The following NAV2 variants were observed in gnomAD, a reference collection of about 807,000 sequenced individuals.
NAV2 encodes the protein helicase, APC down-regulated 1.
Under a neutral mutation model 223.2 loss-of-function variants are expected in NAV2, and 54 were observed. The observed-to-expected ratio is 0.24, with a 90% CI of 0.19 to 0.30. NAV2 has a LOEUF of 0.30. Ranked by LOEUF, NAV2 falls within the 10% of genes least tolerant of loss-of-function variation. The probability of loss-of-function intolerance (pLI) is 1.00; values close to 1 mark genes in which losing one functional copy is unlikely to be tolerated. For synonymous variants in NAV2, 1,279 were observed against 1,239.3 expected (o/e 1.03, Z -0.67); for missense variants, 2,806 against 3,147.5 (o/e 0.89, Z 2.60).
At chr11:19,949,898 C>G (rs550406158) in intron 10 of NAV2, among the ~76,000 whole-genome samples, 1 of 152,268 alleles carries the variant, frequency 6.6e-6, no homozygotes, top group African/African-American at 2.4e-5. Context: ...ACAAATCCAG[C>G]CTCCCTGTTT....
At chr11:19,506,848 G>T (rs1381334070) in intron 1 of NAV2, 2 of 152,152 alleles carry the variant, frequency 1.3e-5, no homozygotes, top group Non-Finnish European at 2.9e-5. Flanking sequence ...GGGGCTCACT[G>T]ATAAATGGAC....
chr11:19,440,759 T>C (rs1408370160), intron 1 of NAV2, among the ~76,000 whole-genome samples: 1 of 152,210 alleles, frequency 6.6e-6, no homozygotes, highest in African/African-American at 2.4e-5. Context: ...CAGTGAACTC[T>C]AGGTGATTGA....
At chr11:19,704,691 A>T (rs2049604642) in intron 1 of NAV2, among the ~76,000 whole-genome samples, 1 of 152,190 alleles carries the variant, frequency 6.6e-6, no homozygotes, top group Non-Finnish European at 1.5e-5. Context: ...TATTGGGTCA[A>T]CTATGGTTGC....
At chr11:19,454,838 G>C (rs117956361) in intron 1 of NAV2, among the ~76,000 whole-genome samples, 1 of 152,168 alleles carries the variant, frequency 6.6e-6, no homozygotes, top group Non-Finnish European at 1.5e-5. Flanking sequence ...CAGAAAGAGA[G>C]AACAGCATGT....
intron 1 of NAV2, among the ~76,000 whole-genome samples, chr11:19,798,676 C>T (rs1200345349): frequency 6.6e-6 from 1 of 152,156 alleles, no homozygotes; most frequent in African/African-American, 2.4e-5. Flanking sequence ...AATACTGTGT[C>T]AGATGCTTTA....
At position 20,096,840 on chromosome 11, in the gene NAV2, C is replaced by G. The variant is rs1009933975; in HGVS notation, c.6013-737C>G. Among the ~76,000 whole-genome samples the G allele has an allele frequency of 2.0e-5, 3 of 152,168 alleles. No individual in the cohort carries two copies. The South Asian group carries it at 6.2e-4, about 31-fold the overall frequency. ...TGAATGGCTTAGATGGACCGATTCT[C>G]CGACCTAGGCCAAAAACTTATCTCT... On this transcript the variant is annotated intron_variant, in intron 30 of 37. Coordinates refer to ENST00000349880, the MANE Select transcript of NAV2 (RefSeq NM_145117.5).
intron 6 of NAV2, 77 bp downstream of exon 6, chr11:19,892,671 G>A: frequency 1.3e-6 from 2 of 1,498,904 alleles, no homozygotes; most frequent in Non-Finnish European, 1.8e-6. Flanking sequence ...GGTGAATTGG[G>A]TTGGGTCATG....
In NAV2 at chr11:19,455,854, C is replaced by A. The variant is rs1050159090; in HGVS notation, c.75+104827C>A. On this transcript the variant is annotated intron_variant, in intron 1 of 37. Coordinates refer to the NAV2 transcript ENST00000360655. ...CAGAAATTGCTCTTGAGCAACGCACCAGAACCTACTGCATCAAAAGGCTGT... is the reference window on the plus strand; with the variant it reads ...CAGAAATTGCTCTTGAGCAACGCACAAGAACCTACTGCATCAAAAGGCTGT... 5.7e-4 allele frequency among the ~76,000 whole-genome samples: 86 copies of A among 152,212 alleles called. 3 individuals are homozygous for A. The highest frequency in any genetic ancestry group is 5.9e-5 in the Non-Finnish European group (4 of 68,038).
At chr11:20,102,872 C>T (rs1344541556) in intron 32 of NAV2, among the ~76,000 whole-genome samples, 1 of 152,184 alleles carries the variant, frequency 6.6e-6, no homozygotes, top group African/African-American at 2.4e-5. Flanking sequence ...TTGTGTCTGC[C>T]ACAGCACTAC....
intron 1 of NAV2, among the ~76,000 whole-genome samples, chr11:19,527,142 G>A (rs1403055673): frequency 2.0e-5 from 3 of 152,004 alleles, no homozygotes; most frequent in Admixed American, 2.0e-4. Flanking sequence ...ACGTGTTGTG[G>A]GAGGGACCTT....
chr11:19,536,117 T>C (rs528537260), intron 1 of NAV2, among the ~76,000 whole-genome samples: 6 of 152,178 alleles, frequency 3.9e-5, no homozygotes, highest in Non-Finnish European at 8.8e-5. Context: ...CCAAGTCTTA[T>C]GTTGAATGCT....
chr11:19,782,694 C>G lies in NAV2; in HGVS notation c.268-49790C>G, dbSNP rs571600419. ...GGCTGGGTGACCCAGGTGCTGTTCC[C>G]AAGGGTTGTTCTTTTTGATTCAGAG... On this transcript the variant is annotated intron_variant, in intron 1 of 37. Coordinates refer to ENST00000349880, the MANE Select transcript of NAV2 (RefSeq NM_145117.5). Among the ~76,000 whole-genome samples the G allele has an allele frequency of 3.3e-5, 5 of 151,736 alleles. No homozygotes were observed. In the East Asian group the frequency reaches 9.7e-4, roughly 29 times the overall value.
At chr11:19,408,013 AC>A (rs1247562296) in intron 1 of NAV2, among the ~76,000 whole-genome samples, 1 of 152,070 alleles carries the variant, frequency 6.6e-6, no homozygotes, top group African/African-American at 2.4e-5. Context: ...CACCGTGCTG[AC>A]CTGGGACTTT....
At chr11:19,536,238 C>T (rs1457876230) in intron 1 of NAV2, among the ~76,000 whole-genome samples, 1 of 152,180 alleles carries the variant, frequency 6.6e-6, no homozygotes, top group Non-Finnish European at 1.5e-5. Flanking sequence ...ATCAACTTTC[C>T]TAGAGCTATC....
intron 3 of NAV2, among the ~76,000 whole-genome samples, chr11:19,844,818 G>A (rs1160547305): frequency 3.4e-5 from 5 of 145,604 alleles, no homozygotes; most frequent in African/African-American, 1.3e-4. Flanking sequence ...TGTGTGAACT[G>A]TGTGTTTTTT....
chr11:19,791,117 C>T (rs2057484849), intron 1 of NAV2, among the ~76,000 whole-genome samples: 1 of 152,096 alleles, frequency 6.6e-6, no homozygotes, highest in South Asian at 2.1e-4. Context: ...ATTTCAAACC[C>T]AGAACAATCT....
chr11:19,984,256 G>A lies in NAV2; in HGVS notation c.2768+9G>A, dbSNP rs6483629. 151,511 of 1,613,818 alleles carry A rather than the reference G, an allele frequency of 0.094. 8,822 individuals carry two copies. Among genetic ancestry groups the A allele is most frequent in the African/African-American group, 0.28 (21,055 of 74,910 alleles). Reference sequence around the variant, plus strand: ...CTCGGAGACGCTGACAGGTAAGCTTGCTGCACTTGGGGCTGGTCAGATGCA... The same window carrying A: ...CTCGGAGACGCTGACAGGTAAGCTTACTGCACTTGGGGCTGGTCAGATGCA... On this transcript the variant is annotated intron_variant, in intron 11 of 37. Coordinates refer to ENST00000349880, the MANE Select transcript of NAV2 (RefSeq NM_145117.5).
chr11:19,769,605 G>T (rs2055542201), intron 1 of NAV2, among the ~76,000 whole-genome samples: 1 of 152,184 alleles, frequency 6.6e-6, no homozygotes, highest in Non-Finnish European at 1.5e-5. Context: ...GAAGGAGGAA[G>T]CCCTGGAGTA....
intron 3 of NAV2, among the ~76,000 whole-genome samples, chr11:19,860,143 G>A (rs575573242): frequency 1.7e-3 from 240 of 140,960 alleles, no homozygotes; most frequent in Middle Eastern, 0.013. Context: ...CTCACCTCCC[G>A]GACGGGGCGG....
Sources: gnomAD v4.1 joint callset for allele counts (sites outside exome capture counted in the v4.1 genomes callset) on GRCh38, gnomAD v4.1.1 for gene constraint, MANE v1.5 for transcripts, NCBI Gene and HGNC (gene_info 2026-07-23, HGNC 2026-07-21) for gene names.